Variants in NDC80 observed in about 807,000 individuals in gnomAD.
NDC80 encodes the protein kinetochore protein NDC80 homolog.
In NDC80, 69 loss-of-function variants were observed where a neutral mutation model predicts 89.3. That is an observed-to-expected ratio of 0.77 (90% CI 0.64 to 0.94). The LOEUF (loss-of-function observed/expected upper bound fraction) is 0.94. Ranked by LOEUF, NDC80 falls within the 40% of genes least tolerant of loss-of-function variation. NDC80 has a pLI of 0.00. For synonymous variants in NDC80, 243 were observed against 255.6 expected, an observed-to-expected ratio of 0.95 and a Z score of 0.47; for missense variants, 593 against 739.6, an observed-to-expected ratio of 0.80 and a Z score of 2.30.
At chr18:2,572,408 G>A (rs2072520578) in intron 1 of NDC80, among the ~76,000 whole-genome samples, 1 of 152,180 alleles carries the variant, frequency 6.6e-6, no homozygotes, top group Admixed American at 6.5e-5. Flanking sequence ...CCATTTTATG[G>A]ACCGGATGAT....
At chr18:2,607,011 T>C (rs2072715622) in intron 14 of NDC80, among the ~76,000 whole-genome samples, 1 of 152,132 alleles carries the variant, frequency 6.6e-6, no homozygotes, top group South Asian at 2.1e-4. Flanking sequence ...AGCATTTTAC[T>C]TAAAGTATTC....
intron 10 of NDC80, among the ~76,000 whole-genome samples, chr18:2,593,211 C>A (rs996291719): frequency 2.0e-5 from 3 of 151,908 alleles, no homozygotes; most frequent in African/African-American, 7.3e-5. Flanking sequence ...TGTGCCACCA[C>A]GCCTGGCTAA....
chr18:2,603,354 TAC>T (rs1298698206), intron 13 of NDC80, among the ~76,000 whole-genome samples: 40 of 110,406 alleles, frequency 3.6e-4, no homozygotes, highest in African/African-American at 1.2e-3. Flanking sequence ...AATATGTTTA[TAC>T]ATATATATAT....
At chr18:2,586,317 C>T (rs55934129) in intron 7 of NDC80, among the ~76,000 whole-genome samples, 2,737 of 152,172 alleles carry the variant, frequency 0.018, 55 homozygotes, top group South Asian at 0.044. Context: ...TGGAAAGGCT[C>T]CTAGAAAACC....
chr18:2,579,347 A>G (rs747779234), intron 6 of NDC80, among the ~76,000 whole-genome samples: 6 of 152,214 alleles, frequency 3.9e-5, no homozygotes, highest in Non-Finnish European at 8.8e-5. Flanking sequence ...CACTGCAAGA[A>G]GTTTGGAGAA....
intron 10 of NDC80, 116 bp downstream of exon 10, chr18:2,590,278 G>T: frequency 9.3e-7 from 1 of 1,073,832 alleles, no homozygotes; most frequent in Non-Finnish European, 1.3e-6. Flanking sequence ...CTTAGAGCAG[G>T]CTACCAAGTT....
At position 2,579,028 on chromosome 18, in the gene NDC80, AG is replaced by A. The variant is rs778390535; in HGVS notation, c.579+1del. ...AALVWLIDCIKIHTAMKESSP... is the reference protein window; with the variant it reads ...AALVWLIDCIXIHTAMKESSP... ...TTAGTTTGGCTAATAGACTGCATCA[AG>A]GTATTTGATTTGTTCTTTTGAAATG... On this transcript the variant is annotated frameshift_variant and splice_region_variant, in exon 6 of 17. Transcript: ENST00000261597. LOFTEE classifies it high-confidence loss of function. The A allele has an allele frequency of 1.3e-6, 2 of 1,522,138 alleles. No individual in the cohort carries two copies. The highest frequency in any genetic ancestry group is 1.8e-6 in the Non-Finnish European group (2 of 1,133,340). The allele number at this position is 1,522,138 out of a possible 1,614,324, so 94.3% of individuals were successfully genotyped here. A position where few individuals can be genotyped will look rare whatever the true frequency, so the allele number is the denominator to read the frequency against.
At chr18:2,591,351 C>T (rs1006579240) in intron 10 of NDC80, among the ~76,000 whole-genome samples, 2 of 152,132 alleles carry the variant, frequency 1.3e-5, no homozygotes, top group African/African-American at 4.8e-5. Flanking sequence ...GTCACAGAGC[C>T]ACTGGGCTGT....
At chr18:2,597,376 T>C (rs1361498029) in intron 11 of NDC80, among the ~76,000 whole-genome samples, 1 of 152,158 alleles carries the variant, frequency 6.6e-6, no homozygotes, top group African/African-American at 2.4e-5. Flanking sequence ...ATCTTATTTC[T>C]GATAAGGTGA....
chr18:2,581,364 G>A (rs79229092), intron 6 of NDC80, among the ~76,000 whole-genome samples: 7,432 of 152,106 alleles, frequency 0.049, 599 homozygotes, highest in African/African-American at 0.17. Context: ...TCCCATTTAT[G>A]GAAAAACTGA....
chr18:2,591,583 A>G (rs1478970057), intron 10 of NDC80, among the ~76,000 whole-genome samples: 1 of 151,554 alleles, frequency 6.6e-6, no homozygotes, highest in African/African-American at 2.4e-5. Flanking sequence ...TTTTTTTCCA[A>G]ATAACTCTGA....
At chr18:2,601,763 A>T (rs78780763) in intron 13 of NDC80, among the ~76,000 whole-genome samples, 41 of 152,266 alleles carry the variant, frequency 2.7e-4, no homozygotes, top group African/African-American at 8.9e-4. Context: ...AGATAATTTA[A>T]TATTTTTATA....
intron 16 of NDC80, among the ~76,000 whole-genome samples, chr18:2,612,321 ACT>A (rs1440481051): frequency 9.0e-6 from 1 of 110,794 alleles, no homozygotes; most frequent in Non-Finnish European, 1.7e-5. Flanking sequence ...AGATAGCCTC[ACT>A]CTGTCACCCA....
chr18:2,576,730 G>A (rs775295144), intron 3 of NDC80, among the ~76,000 whole-genome samples: 22 of 152,114 alleles, frequency 1.4e-4, no homozygotes, highest in Non-Finnish European at 2.5e-4. Context: ...ACACAAATGC[G>A]TTTATTGTCA....
chr18:2,576,316 A>G (rs2072546286), intron 3 of NDC80, among the ~76,000 whole-genome samples: 1 of 152,240 alleles, frequency 6.6e-6, no homozygotes, highest in Admixed American at 6.5e-5. Flanking sequence ...CATGTTTTCA[A>G]CTTTTAAAAA....
chr18:2,574,757 T>TA (rs970801552), intron 2 of NDC80, among the ~76,000 whole-genome samples: 2 of 152,182 alleles, frequency 1.3e-5, no homozygotes, highest in African/African-American at 4.8e-5. Flanking sequence ...AAAGGGTACA[T>TA]ACACCAGAGG....
intron 6 of NDC80, chr18:2,582,062 GTTTGTTT>G: frequency 1.5e-5 from 1 of 67,516 alleles, no homozygotes; most frequent in South Asian, 3.3e-4. Flanking sequence ...TTTTTTGTTT[GTTTGTTT>G]GTTTGTTTGT....
chr18:2,584,365 T>C (rs1487149746), intron 6 of NDC80, among the ~76,000 whole-genome samples: 4 of 151,602 alleles, frequency 2.6e-5, no homozygotes, highest in African/African-American at 9.6e-5. Flanking sequence ...AATATATTTA[T>C]ATCTAGTATA....
rs758267626 is a variant in NDC80 at position 2,595,588 on chromosome 18, T to A, written c.1188T>A (p.Asn396Lys). 2.3e-5 allele frequency: 37 copies of A among 1,613,658 alleles called. No homozygotes were observed. The South Asian group carries it at 3.8e-4, about 17-fold the overall frequency. ...AAGCTGAACAACAGAAGTTGTGGAA[T>A]GAGGAGTTAAAATATGCCAGAGGCA... ...DLEAEQQKLW[N>K]EELKYARGKE... The change falls in exon 11 of 17, where the codon AAT becomes AAA. Residue 396 changes from asparagine (N) to lysine (K), a missense_variant. By Grantham distance (94) the Asn-to-Lys change is moderately conservative. Transcript: ENST00000261597.
Sources: allele counts gnomAD v4.1 joint callset (sites outside exome capture counted in the v4.1 genomes callset), GRCh38; gene constraint gnomAD v4.1.1; transcripts MANE v1.5; gene names NCBI Gene and HGNC (gene_info 2026-07-23, HGNC 2026-07-21).